ZNF354A: variants seen among roughly 807,000 people sequenced by gnomAD.
The protein encoded by ZNF354A is zinc finger protein 354A.
ZNF354A carries 25 observed loss-of-function variants against 53.3 expected under a neutral mutation model. That is an observed-to-expected ratio of 0.47 (90% CI 0.34 to 0.66). The LOEUF (loss-of-function observed/expected upper bound fraction) is 0.66, where lower values mean the gene tolerates loss of function less well. Among genes scored for constraint, ZNF354A ranks in the 30% least tolerant of loss-of-function variants. The pLI is 0.01. For missense variants in ZNF354A, 586 were observed against 716.8 expected, an observed-to-expected ratio of 0.82 and a Z score of 2.08; for synonymous variants, 228 against 249.0, an observed-to-expected ratio of 0.92 and a Z score of 0.79.
chr5:178,713,384 C>T lies in ZNF354A; in HGVS notation c.494G>A (p.Ser165Asn), dbSNP rs553580516. ...CACTGACTTTGGGCTGAAGTTTTGGCTCAATTCAGTATTTTTATGGCTTCT... is the reference window on the plus strand; with the variant it reads ...CACTGACTTTGGGCTGAAGTTTTGGTTCAATTCAGTATTTTTATGGCTTCT... ...IERSHKNTEL[S>N]QNFSPKSVLI... Residue 165 changes from serine to asparagine, a missense_variant, in exon 5 of 5, where the codon AGC (serine) becomes AAC (asparagine). Physicochemically the swap from Ser to Asn is conservative, Grantham distance 46. This residue lies in a region of ZNF354A where 573 missense variants were observed against 680.1 expected (regional missense o/e 0.84). Coordinates refer to ENST00000335815, the MANE Select transcript of ZNF354A (RefSeq NM_005649.3). 6.2e-7 allele frequency: 1 copy of T among 1,614,024 alleles called. No homozygotes were observed.
At position 178,725,388 on chromosome 5, in the gene ZNF354A, C is replaced by G; in HGVS notation, c.244G>C (p.Val82Leu). The G allele has an allele frequency of 6.2e-7, 1 of 1,613,822 alleles. No individual in the cohort carries two copies. Among genetic ancestry groups the G allele is most frequent in the Non-Finnish European group, 8.5e-7 (1 of 1,180,014 alleles). ...GCCACCCACTTACCTAGAGAGGAGA[C>G]GCCAGAACCGTCTTTCTCCACCTCC... ...PWEVEKDGSGVSSLGSKSSHK... is the reference protein window; with the variant it reads ...PWEVEKDGSGLSSLGSKSSHK... The change falls in exon 4 of 5, where the codon GTC becomes CTC. Residue 82 changes from valine (V) to leucine (L), a missense_variant. Val to Leu is a conservative substitution (Grantham distance 32). Around this residue, in one of 2 missense-constraint regions of ZNF354A, gnomAD observed 573 missense variants for 680.1 expected, o/e 0.84. Transcript: ENST00000335815.
Position 178,713,584 on chromosome 5 carries a change from T to C in ZNF354A, c.294A>G (p.Gln98=), listed in dbSNP as rs1472141120. ...GTCCCTGAAATGAAGAGTCTTGTGTTTGCGTTGACTTTGTGGTTTTATGAC... is the reference window on the plus strand; with the variant it reads ...GTCCCTGAAATGAAGAGTCTTGTGTCTGCGTTGACTTTGTGGTTTTATGAC... The part of the protein sequence containing the change: ...KSSHKTTKST[Q]TQDSSFQGLI... Residue 98 remains glutamine (Q), a synonymous_variant, in exon 5 of 5, where the codon CAA becomes CAG. Coordinates refer to ENST00000335815, the MANE Select transcript of ZNF354A (RefSeq NM_005649.3). 1 of 1,578,456 alleles carries C rather than the reference T, an allele frequency of 6.3e-7. No homozygotes were observed. Among genetic ancestry groups the C allele is most frequent in the Non-Finnish European group, 8.5e-7 (1 of 1,170,380 alleles).
chr5:178,727,411 A>G (rs922918377), intron 2 of ZNF354A, among the ~76,000 whole-genome samples: 1 of 152,226 alleles, frequency 6.6e-6, no homozygotes, highest in Non-Finnish European at 1.5e-5. Context: ...TTGCTAATAC[A>G]TATTAGAACC....
Position 178,713,246 on chromosome 5 carries a change from T to C in ZNF354A, c.632A>G (p.Asp211Gly), listed in dbSNP as rs1304753436. Residue 211 changes from aspartate to glycine, a missense_variant, in exon 5 of 5, where the codon GAT (aspartate) becomes GGT (glycine). By Grantham distance (94) the Asp-to-Gly change is moderately conservative. Transcript: ENST00000335815. ...ACACAGACTACATTTATAGCGTTTA[T>C]CTGCTGTAATTTTTGGTTGATTAAG... is the stretch of plus-strand genomic sequence containing the variant. The part of the protein sequence containing the change: ...QLLNQPKITA[D>G]KRYKCSLCEK... The C allele has an allele frequency of 6.2e-7, 1 of 1,614,174 alleles. No individual in the cohort carries two copies. The highest frequency in any genetic ancestry group is 8.5e-7 in the Non-Finnish European group (1 of 1,180,018).
intron 3 of ZNF354A, chr5:178,726,321 T>TG (rs1765907106): frequency 2.5e-6 from 1 of 399,372 alleles, no homozygotes. Flanking sequence ...CGTGGCTTTT[T>TG]TTTTTTTGAG....
chr5:178,728,596 C>G (rs1427552853), intron 2 of ZNF354A, among the ~76,000 whole-genome samples: 1 of 150,830 alleles, frequency 6.6e-6, no homozygotes, highest in Non-Finnish European at 1.5e-5. Context: ...TTGAGACCAG[C>G]CTGGCCAACG....
At position 178,712,685 on chromosome 5, in the gene ZNF354A, A is replaced by G. The variant is rs1264743861; in HGVS notation, c.1193T>C (p.Ile398Thr). 2 of 1,613,834 alleles carry G rather than the reference A, an allele frequency of 1.2e-6. No individual in the cohort carries two copies. Among genetic ancestry groups the G allele is most frequent in the Non-Finnish European group, 1.7e-6 (2 of 1,179,776 alleles). ...GRAFSQSASL[I>T]QHERIHTGEK... ...TCCGGTGTGAATTCTTTCATGTTGA[A>G]TAAGAGAGGCACTCTGGCTGAAGGC... The change falls in exon 5 of 5, where the codon ATT becomes ACT. Residue 398 changes from isoleucine (I) to threonine (T), a missense_variant. This residue lies in a region of ZNF354A where 573 missense variants were observed against 680.1 expected (regional missense o/e 0.84). Coordinates refer to ENST00000335815, the MANE Select transcript of ZNF354A (RefSeq NM_005649.3).
rs972247451 is a variant in ZNF354A at position 178,724,224 on chromosome 5, C to G, written c.256+1152G>C. Among the ~76,000 whole-genome samples, 12 of 151,456 alleles carry G rather than the reference C, an allele frequency of 7.9e-5. 1 individual carries two copies. The highest frequency in any genetic ancestry group is 4.2e-4 in the South Asian group (2 of 4,800). On this transcript the variant is annotated intron_variant, in intron 4 of 4. Coordinates refer to ENST00000335815, the MANE Select transcript of ZNF354A (RefSeq NM_005649.3). Reference sequence around the variant, plus strand: ...ACTGCAATCGCTCTGCAAGGCTTCCCGCCTTTTTTTTTTTTTTTAAGACAG... The same window carrying G: ...ACTGCAATCGCTCTGCAAGGCTTCCGGCCTTTTTTTTTTTTTTTAAGACAG...
chr5:178,721,383 A>T (rs1010349596), intron 4 of ZNF354A, among the ~76,000 whole-genome samples: 14 of 152,320 alleles, frequency 9.2e-5, no homozygotes, highest in East Asian at 7.7e-4. Flanking sequence ...ATATTAAAAC[A>T]TAGAAAAGGG....
chr5:178,714,558 A>T (rs1215429408), intron 4 of ZNF354A, among the ~76,000 whole-genome samples: 1 of 152,154 alleles, frequency 6.6e-6, no homozygotes, highest in Admixed American at 6.5e-5. Flanking sequence ...TTTCTGAAGT[A>T]ACTGTTCTTC....
intron 4 of ZNF354A, among the ~76,000 whole-genome samples, chr5:178,715,882 G>A (rs1765702045): frequency 7.3e-6 from 1 of 136,650 alleles, no homozygotes; most frequent in Non-Finnish European, 1.5e-5. Flanking sequence ...CCACACTGCA[G>A]CCAGAATAAT....
At chr5:178,720,131 TG>T (rs929174187) in intron 4 of ZNF354A, among the ~76,000 whole-genome samples, 1 of 152,210 alleles carries the variant, frequency 6.6e-6, no homozygotes, top group African/African-American at 2.4e-5. Flanking sequence ...GAAATGTTGT[TG>T]TGGTAACTCT....
intron 4 of ZNF354A, among the ~76,000 whole-genome samples, chr5:178,717,077 CA>C (rs5873633): frequency 0.015 from 987 of 65,474 alleles, 11 homozygotes; most frequent in African/African-American, 0.048. Context: ...GACTCCATCT[CA>C]AAAAAAAAAA....
chr5:178,723,580 G>T (rs1246271469), intron 4 of ZNF354A, among the ~76,000 whole-genome samples: 1 of 152,122 alleles, frequency 6.6e-6, no homozygotes, highest in African/African-American at 2.4e-5. Context: ...CTTTGCTGAC[G>T]CCACCTGCCT....
intron 4 of ZNF354A, among the ~76,000 whole-genome samples, chr5:178,716,391 T>C (rs1035649602): frequency 2.6e-5 from 4 of 152,154 alleles, no homozygotes; most frequent in African/African-American, 9.7e-5. Flanking sequence ...TCTTGCCAGG[T>C]ATGCTGAACT....
At chr5:178,713,759 G>GA (rs1349282259) in intron 4 of ZNF354A, 138 bp from the exon 5 acceptor site, 39 of 914,976 alleles carry the variant, frequency 4.3e-5, no homozygotes, top group Admixed American at 5.9e-5. Context: ...ATTGCAAAAA[G>GA]AAAAAATAGG....
intron 4 of ZNF354A, among the ~76,000 whole-genome samples, chr5:178,716,152 C>T (rs1765709437): frequency 6.6e-6 from 1 of 152,048 alleles, no homozygotes; most frequent in Non-Finnish European, 1.5e-5. Flanking sequence ...ACCTCAGCCT[C>T]CCCAAAGCGC....
chr5:178,725,193 A>G (rs768172157), intron 4 of ZNF354A, among the ~76,000 whole-genome samples, 183 bp downstream of exon 4: 13 of 152,252 alleles, frequency 8.5e-5, no homozygotes, highest in Non-Finnish European at 1.5e-4. Context: ...AGGAAAGAGT[A>G]AGAAAGAGAT....
chr5:178,723,168 A>C (rs56070635), intron 4 of ZNF354A, among the ~76,000 whole-genome samples: 35,130 of 152,220 alleles, frequency 0.23, 4,667 homozygotes, highest in South Asian at 0.35. Flanking sequence ...GTTCCCATAT[A>C]AAAAAATCTC....
Sources: gnomAD v4.1 joint callset for allele counts (sites outside exome capture counted in the v4.1 genomes callset) on GRCh38, gnomAD v4.1.1 for gene constraint, gnomAD v4.1.1 regional missense constraint, MANE v1.5 for transcripts, NCBI Gene and HGNC (gene_info 2026-07-23, HGNC 2026-07-21) for gene names.